The following KHDRBS2 variants were observed in gnomAD, a reference collection of about 807,000 sequenced individuals.
KHDRBS2 encodes the protein KH RNA binding domain containing, signal transduction associated 2, also known as KH domain-containing, RNA-binding, signal transduction-associated protein 2.
In KHDRBS2, 26 loss-of-function variants were observed where a neutral mutation model predicts 44.3. The observed-to-expected ratio is 0.59, with a 90% CI of 0.43 to 0.81. The LOEUF is 0.81. Ranked by LOEUF, KHDRBS2 falls within the 40% of genes least tolerant of loss-of-function variation. The pLI is 0.00. For missense variants in KHDRBS2, 476 were observed against 433.1 expected (o/e 1.10, Z -0.88); for synonymous variants, 194 against 151.1 (o/e 1.28, Z -2.08).
At chr6:61,736,894 A>G (rs1373874762) in intron 6 of KHDRBS2, among the ~76,000 whole-genome samples, 1 of 152,054 alleles carries the variant, frequency 6.6e-6, no homozygotes, top group Non-Finnish European at 1.5e-5. Context: ...TTCTTTTTCT[A>G]TAATTTTCTC....
the KHDRBS2 span, among the ~76,000 whole-genome samples, chr6:61,590,911 G>C: frequency 2.0e-5 from 3 of 152,152 alleles, no homozygotes; most frequent in South Asian, 6.2e-4. Context: ...TTTAGGCTTA[G>C]AGGAACATGA....
intron 3 of KHDRBS2, among the ~76,000 whole-genome samples, chr6:62,005,179 G>T (rs2127263047): frequency 6.6e-6 from 1 of 152,122 alleles, no homozygotes; most frequent in South Asian, 2.1e-4. Context: ...TGCCACAACA[G>T]TAAGTGATTT....
chr6:62,255,213 C>CA (rs773247210), intron 1 of KHDRBS2, among the ~76,000 whole-genome samples: 1 of 151,998 alleles, frequency 6.6e-6, no homozygotes, highest in Non-Finnish European at 1.5e-5. Context: ...CTCATAGAAA[C>CA]AAAAAATGTA....
At chr6:62,072,264 A>G (rs559983862) in intron 2 of KHDRBS2, among the ~76,000 whole-genome samples, 67 of 152,254 alleles carry the variant, frequency 4.4e-4, no homozygotes, top group Non-Finnish European at 7.2e-4. Context: ...GGTTTTCTAG[A>G]TATACAATCA....
chr6:62,208,221 T>G (rs1349000214), intron 1 of KHDRBS2, among the ~76,000 whole-genome samples: 1 of 152,078 alleles, frequency 6.6e-6, no homozygotes, highest in Non-Finnish European at 1.5e-5. Context: ...ATCTACAAAT[T>G]TTTTTCTTGT....
At chr6:62,262,280 C>T (rs1838474588) in intron 1 of KHDRBS2, among the ~76,000 whole-genome samples, 1 of 151,720 alleles carries the variant, frequency 6.6e-6, no homozygotes, top group African/African-American at 2.4e-5. Context: ...ATACAACATT[C>T]TCTTAGTACA....
intron 6 of KHDRBS2, among the ~76,000 whole-genome samples, chr6:61,843,229 T>TA (rs1793859479): frequency 6.6e-6 from 1 of 151,982 alleles, no homozygotes; most frequent in South Asian, 2.1e-4. Flanking sequence ...TTCGAAGTGA[T>TA]AAAAATGCTC....
the KHDRBS2 span, among the ~76,000 whole-genome samples, chr6:61,602,969 T>C: frequency 1.3e-5 from 2 of 152,164 alleles, no homozygotes; most frequent in Middle Eastern, 3.4e-3. Flanking sequence ...TTCACATCCT[T>C]TCCTTGTATT....
intron 6 of KHDRBS2, among the ~76,000 whole-genome samples, chr6:61,831,499 G>T (rs1016961438): frequency 1.3e-5 from 2 of 151,862 alleles, no homozygotes; most frequent in Non-Finnish European, 2.9e-5. Context: ...CGTTTGAAAG[G>T]TATTCTGATT....
intron 6 of KHDRBS2, among the ~76,000 whole-genome samples, chr6:61,860,152 A>T (rs1269243261): frequency 6.6e-6 from 1 of 152,034 alleles, no homozygotes; most frequent in Non-Finnish European, 1.5e-5. Flanking sequence ...GTAAAAAATA[A>T]ATCCATACTT....
intron 1 of KHDRBS2, among the ~76,000 whole-genome samples, chr6:62,221,467 G>A (rs1341964324): frequency 1.3e-5 from 2 of 151,798 alleles, no homozygotes; most frequent in Non-Finnish European, 2.9e-5. Context: ...TTGCCACGAA[G>A]GAGAAAAAAT....
At chr6:62,033,187 G>A (rs1784661073) in intron 3 of KHDRBS2, among the ~76,000 whole-genome samples, 1 of 151,710 alleles carries the variant, frequency 6.6e-6, no homozygotes, top group African/African-American at 2.4e-5. Context: ...AAAGAAAAGA[G>A]AATAAAAACA....
At chr6:62,227,282 C>T (rs1832044982) in intron 1 of KHDRBS2, among the ~76,000 whole-genome samples, 1 of 152,084 alleles carries the variant, frequency 6.6e-6, no homozygotes, top group Admixed American at 6.6e-5. Context: ...CTCTTTGTAG[C>T]AATTGTGAAT....
chr6:61,715,731 A>C (rs1484866341), intron 7 of KHDRBS2, among the ~76,000 whole-genome samples: 1 of 151,558 alleles, frequency 6.6e-6, no homozygotes, highest in African/African-American at 2.4e-5. Flanking sequence ...GTTTACAAAT[A>C]GTCCTCTGTA....
Position 62,217,202 on chromosome 6 carries a change from C to G in KHDRBS2, c.92-39890G>C, listed in dbSNP as rs533510097. Among the ~76,000 whole-genome samples, 26 of 151,796 alleles carry G rather than the reference C, an allele frequency of 1.7e-4. 1 individual carries two copies. In the South Asian group the frequency reaches 5.4e-3, roughly 32 times the overall value. ...TCGCCGTTTTCAATAAGAGCTGAGT[C>G]TTTCTCATGAACCTAAAATCATACT... is the stretch of plus-strand genomic sequence containing the variant. On this transcript the variant is annotated intron_variant, in intron 1 of 8. Transcript: ENST00000281156.
intron 6 of KHDRBS2, 93 bp from the exon 7 acceptor site, chr6:61,732,857 G>A: frequency 1.4e-6 from 1 of 740,720 alleles, no homozygotes; most frequent in Non-Finnish European, 2.5e-6. Context: ...TGTGATCTTG[G>A]TTTAGATTTC....
intron 6 of KHDRBS2, among the ~76,000 whole-genome samples, chr6:61,763,135 A>C (rs1200140537): frequency 1.3e-5 from 2 of 152,200 alleles, no homozygotes; most frequent in Non-Finnish European, 2.9e-5. Context: ...GAACAAGGGA[A>C]AGCCCAGGAG....
At chr6:61,893,302 G>T (rs1237919089) in intron 6 of KHDRBS2, among the ~76,000 whole-genome samples, 1 of 152,164 alleles carries the variant, frequency 6.6e-6, no homozygotes, top group Non-Finnish European at 1.5e-5. Context: ...CTGTTGGTGC[G>T]ACTGTAAACT....
At chr6:61,782,606 T>C (rs1478889572) in intron 6 of KHDRBS2, among the ~76,000 whole-genome samples, 1 of 150,624 alleles carries the variant, frequency 6.6e-6, no homozygotes, top group Non-Finnish European at 1.5e-5. Context: ...ATTATTCAGC[T>C]ATTATTGCAT....
Sources: gnomAD v4.1 joint callset for allele counts (sites outside exome capture counted in the v4.1 genomes callset) on GRCh38, gnomAD v4.1.1 for gene constraint, MANE v1.5 for transcripts, NCBI Gene and HGNC (gene_info 2026-07-23, HGNC 2026-07-21) for gene names.